The following MLLT6 variants were observed in gnomAD, a reference collection of about 807,000 sequenced individuals.
MLLT6 encodes protein AF-17.
MLLT6 carries 22 observed loss-of-function variants against 103.0 expected under a neutral mutation model. The observed-to-expected ratio is 0.21, with a 90% confidence interval of 0.15 to 0.31. The LOEUF (loss-of-function observed/expected upper bound fraction) is 0.31. Among genes scored for constraint, MLLT6 ranks in the 10% least tolerant of loss-of-function variants. The probability of loss-of-function intolerance (pLI) is 1.00; values close to 1 mark genes in which losing one functional copy is unlikely to be tolerated. For missense variants in MLLT6, 1,199 were observed against 1,441.7 expected, an observed-to-expected ratio of 0.83 and a Z score of 2.73; for synonymous variants, 606 against 623.5, an observed-to-expected ratio of 0.97 and a Z score of 0.42.
chr17:38,729,297 A>G lies in MLLT6; in HGVS notation c.*3699A>G, dbSNP rs1906197383. The G allele has an allele frequency of 8.6e-6, 2 of 233,170 alleles. No individual in the cohort carries two copies. The highest frequency in any genetic ancestry group is 1.7e-5 in the Non-Finnish European group (2 of 118,056). 14.4% of individuals were successfully genotyped at this position (233,170 alleles called of 1,614,324 possible). ...AGAGGTGCCTAGAGGGATTGAGGTA[A>G]CTTCAACTGGGAATTCCAAGGAAGG... On this transcript the variant is annotated 3_prime_UTR_variant, in exon 20 of 20. Coordinates refer to ENST00000621332, the MANE Select transcript of MLLT6 (RefSeq NM_005937.4).
chr17:38,706,920 T>C (rs377332019), intron 1 of MLLT6, 30 bp from the exon 2 acceptor site: 2 of 1,584,656 alleles, frequency 1.3e-6, no homozygotes, highest in African/African-American at 1.3e-5. Flanking sequence ...GCTGACAGCT[T>C]TGCTCAGCGA....
At position 38,705,657 on chromosome 17, in the gene MLLT6, T is replaced by A. The variant is rs778849084; in HGVS notation, c.25T>A (p.Cys9Ser). The A allele has an allele frequency of 4.0e-5, 61 of 1,540,130 alleles. No homozygotes were observed. In the South Asian group the frequency reaches 6.9e-4, roughly 17 times the overall value. MKEMVGGC[C>S]VCSDERGWAE... Reference sequence around the variant, plus strand: ...TATGAAGGAGATGGTAGGAGGCTGCTGCGTATGTTCGGACGAGAGGGGCTG... The same window carrying A: ...TATGAAGGAGATGGTAGGAGGCTGCAGCGTATGTTCGGACGAGAGGGGCTG... Residue 9 changes from cysteine (C) to serine (S), a missense_variant, in exon 1 of 20, where the codon TGC becomes AGC. Coordinates refer to ENST00000621332, the MANE Select transcript of MLLT6 (RefSeq NM_005937.4).
Position 38,709,692 on chromosome 17 carries a change from C to G in MLLT6, c.552+117C>G. ...CTAGGAGGACAGAGAGGGAAAAAAC[C>G]CAGTCCCTGCCCAAGAGGAGCTCTT... On this transcript the variant is annotated intron_variant, in intron 6 of 19. Coordinates refer to ENST00000621332, the MANE Select transcript of MLLT6 (RefSeq NM_005937.4). The surrounding 1 kb of genome is among the most constrained non-coding windows in gnomAD (Gnocchi z 4.3). 1.4e-6 allele frequency: 1 copy of G among 735,056 alleles called. No homozygotes were observed. Among genetic ancestry groups the G allele is most frequent in the Admixed American group, 2.1e-5 (1 of 46,832 alleles). 45.5% of individuals were successfully genotyped at this position (735,056 alleles called of 1,614,324 possible).
chr17:38,723,020 ACT>A (rs2143709707), intron 18 of MLLT6, among the ~76,000 whole-genome samples: 1 of 151,664 alleles, frequency 6.6e-6, no homozygotes, highest in Non-Finnish European at 1.5e-5. Flanking sequence ...CTGGTGAAAG[ACT>A]CTGGAGGGCA....
rs1002044715 is a variant in MLLT6, at chr17:38,724,447, A to T, written c.2884-173A>T. ...GGCGTGCAACCATTTTCTTGTCTAG[A>T]TGGGGAGACCCAGGCTAAGTGGGAA... On this transcript the variant is annotated intron_variant, in intron 18 of 19. Transcript: ENST00000621332. This position sits in a 1 kb window ranked among gnomAD's most constrained non-coding sequence, Gnocchi z 5.4. 1.8e-6 allele frequency: 1 copy of T among 556,772 alleles called. No homozygotes were observed. The highest frequency in any genetic ancestry group is 3.2e-6 in the Non-Finnish European group (1 of 317,072). The allele number at this position is 556,772 out of a possible 1,614,324, so 34.5% of individuals were successfully genotyped here. A position where few individuals can be genotyped will look rare whatever the true frequency, so the allele number is the denominator to read the frequency against.
At chr17:38,720,124 ACCG>A in intron 14 of MLLT6, 1 of 712,724 alleles carries the variant, frequency 1.4e-6, no homozygotes, top group Non-Finnish European at 2.3e-6. Flanking sequence ...ACCTTACCAA[ACCG>A]CAACTTCCGC....
At position 38,720,844 on chromosome 17, in the gene MLLT6, GTGAC is replaced by G. The variant is rs751983939; in HGVS notation, c.2442+105_2442+108del. On this transcript the variant is annotated intron_variant, in intron 16 of 19. Transcript: ENST00000621332. The stretch of plus-strand genomic sequence containing the variant: ...CAGCTATTGGAGGCTGGGCAATGAA[GTGAC>G]TGACTGAGCAATTGATTGATCCATT... The G allele has an allele frequency of 5.3e-5, 55 of 1,043,782 alleles. 1 individual carries two copies. In the South Asian group the frequency reaches 5.9e-4, roughly 11 times the overall value. 64.7% of individuals were successfully genotyped at this position (1,043,782 alleles called of 1,614,324 possible). A position where few individuals can be genotyped will look rare whatever the true frequency, so the allele number is the denominator to read the frequency against.
chr17:38,705,943 T>C, intron 1 of MLLT6: 1 of 225,734 alleles, frequency 4.4e-6, no homozygotes. Context: ...ATTGTTCCAG[T>C]TCCGCGCCCC....
At chr17:38,719,486 C>T (rs924449111) in intron 12 of MLLT6, 31 bp from the exon 13 acceptor site, 1 of 1,579,114 alleles carries the variant, frequency 6.3e-7, no homozygotes, top group Admixed American at 1.8e-5. Flanking sequence ...ACCACTCCTC[C>T]ACGCTGATCC....
At position 38,724,714 on chromosome 17, in the gene MLLT6, T is replaced by C. The variant is rs1381744303; in HGVS notation, c.2978T>C (p.Met993Thr). 6.2e-7 allele frequency: 1 copy of C among 1,612,894 alleles called. No individual in the cohort carries two copies. ...LQMAGGSQLPMASLLAGSSTP... is the reference protein window; with the variant it reads ...LQMAGGSQLPTASLLAGSSTP... ...ATGGCTGGGGGCTCCCAGCTGCCCATGGCCAGCCTGCTGGCAGGAAGCTCC... is the reference window on the plus strand; with the variant it reads ...ATGGCTGGGGGCTCCCAGCTGCCCACGGCCAGCCTGCTGGCAGGAAGCTCC... The change falls in exon 19 of 20, where the codon ATG (methionine) becomes ACG (threonine). Residue 993 changes from methionine to threonine, a missense_variant. Met to Thr is a moderately conservative substitution (Grantham distance 81). Coordinates refer to ENST00000621332, the MANE Select transcript of MLLT6 (RefSeq NM_005937.4). This position sits in a 1 kb window ranked among gnomAD's most constrained non-coding sequence, Gnocchi z 5.4.
chr17:38,724,297 T>C lies in MLLT6; in HGVS notation c.2884-323T>C, dbSNP rs921611646. On this transcript the variant is annotated intron_variant, in intron 18 of 19. Coordinates refer to ENST00000621332, the MANE Select transcript of MLLT6 (RefSeq NM_005937.4). This position sits in a 1 kb window ranked among gnomAD's most constrained non-coding sequence, Gnocchi z 5.4. Reference sequence around the variant, plus strand: ...AGAAAAGAAAACTATTGACCTAGTTTAGTGTTTTTCAACTTGGGGGCGTCT... The same window carrying C: ...AGAAAAGAAAACTATTGACCTAGTTCAGTGTTTTTCAACTTGGGGGCGTCT... 5 of 347,518 alleles carry C rather than the reference T, an allele frequency of 1.4e-5. No individual in the cohort carries two copies. The Admixed American group carries it at 1.9e-4, about 13-fold the overall frequency. The allele number at this position is 347,518 out of a possible 1,614,324, so 21.5% of individuals were successfully genotyped here.
chr17:38,712,536 T>C (rs989934045), intron 7 of MLLT6, among the ~76,000 whole-genome samples, 155 bp from the exon 8 acceptor site: 17 of 152,074 alleles, frequency 1.1e-4, no homozygotes, highest in African/African-American at 4.1e-4. Context: ...CCTGAATCGC[T>C]CCTGCCCAGC....
At chr17:38,710,393 G>A (rs116222765) in intron 6 of MLLT6, among the ~76,000 whole-genome samples, 370 of 152,282 alleles carry the variant, frequency 2.4e-3, no homozygotes, top group African/African-American at 8.4e-3. Flanking sequence ...ATCTACCCCC[G>A]AGCCACAGGC....
At chr17:38,719,667 G>A (rs1398994013) in intron 13 of MLLT6, 83 bp from the exon 14 acceptor site, 2 of 1,569,712 alleles carry the variant, frequency 1.3e-6, no homozygotes, top group African/African-American at 2.7e-5. Context: ...GGCGTGGGCT[G>A]GAACCCCTGG....
chr17:38,720,258 T>A, intron 14 of MLLT6, 114 bp from the exon 15 acceptor site: 1 of 1,042,842 alleles, frequency 9.6e-7, no homozygotes, highest in Non-Finnish European at 1.4e-6. Context: ...CTCCTTAGGA[T>A]GGCGCCGCCT....
In MLLT6 at chr17:38,724,563, C is replaced by T; in HGVS notation, c.2884-57C>T. On this transcript the variant is annotated intron_variant, in intron 18 of 19. Coordinates refer to ENST00000621332, the MANE Select transcript of MLLT6 (RefSeq NM_005937.4). The surrounding 1 kb of genome is among the most constrained non-coding windows in gnomAD (Gnocchi z 5.4). ...GGCCTGGCCAGGCAGGGCAGGCAGG[C>T]AGCAGGGAAGAGACCCCCGGGACTG... is the stretch of plus-strand genomic sequence containing the variant. 5 of 1,387,082 alleles carry T rather than the reference C, an allele frequency of 3.6e-6. No homozygotes were observed. Among genetic ancestry groups the T allele is most frequent in the Non-Finnish European group, 4.9e-6 (5 of 1,020,036 alleles). The allele number at this position is 1,387,082 out of a possible 1,614,324, so 85.9% of individuals were successfully genotyped here. A position where few individuals can be genotyped will look rare whatever the true frequency, so the allele number is the denominator to read the frequency against.
At chr17:38,705,780 GGC>G in intron 1 of MLLT6, 39 bp downstream of exon 1, 1 of 1,078,954 alleles carries the variant, frequency 9.3e-7, no homozygotes, top group Non-Finnish European at 1.2e-6. Context: ...GGACCCCGGG[GGC>G]GGCGTGCGCG....
At position 38,724,576 on chromosome 17, in the gene MLLT6, A is replaced by AC. The variant is rs772956227; in HGVS notation, c.2884-39dup. The stretch of plus-strand genomic sequence containing the variant: ...AGGGCAGGCAGGCAGCAGGGAAGAG[A>AC]CCCCCGGGACTGTTGGCCAACAAGC... On this transcript the variant is annotated intron_variant, in intron 18 of 19. Transcript: ENST00000621332. This position sits in a 1 kb window ranked among gnomAD's most constrained non-coding sequence, Gnocchi z 5.4. 6.8e-7 allele frequency: 1 copy of AC among 1,471,166 alleles called. No individual in the cohort carries two copies. Among genetic ancestry groups the AC allele is most frequent in the African/African-American group, 1.4e-5 (1 of 70,966 alleles). 91.1% of individuals were successfully genotyped at this position (1,471,166 alleles called of 1,614,324 possible).
intron 19 of MLLT6, 54 bp from the exon 20 acceptor site, chr17:38,725,501 TGG>T: frequency 6.6e-7 from 1 of 1,523,580 alleles, no homozygotes; most frequent in Non-Finnish European, 9.1e-7. Context: ...TGTTCTTATC[TGG>T]GGGTTAGGAC....
Sources: allele counts gnomAD v4.1 joint callset (sites outside exome capture counted in the v4.1 genomes callset), GRCh38; gene constraint gnomAD v4.1.1; non-coding constraint Gnocchi (gnomAD v3.1); transcripts MANE v1.5; gene names NCBI Gene and HGNC (gene_info 2026-07-23, HGNC 2026-07-21).